ORC4: variants seen among roughly 807,000 people sequenced by gnomAD.
The protein encoded by ORC4 is origin recognition complex subunit 4.
Under a neutral mutation model 63.9 loss-of-function variants are expected in ORC4, and 55 were observed. The ratio of observed to expected loss-of-function variants is 0.86; its 90% CI spans 0.69 to 1.08. ORC4 has a LOEUF of 1.08. Ranked by LOEUF, ORC4 falls within the 50% of genes least tolerant of loss-of-function variation. ORC4 has a pLI of 0.00. For synonymous variants in ORC4, 150 were observed against 168.5 expected (o/e 0.89, Z 0.85); for missense variants, 511 against 504.4 (o/e 1.01, Z -0.13).
At chr2:148,018,407 A>C (rs984031891) in intron 1 of ORC4, among the ~76,000 whole-genome samples, 1 of 152,226 alleles carries the variant, frequency 6.6e-6, no homozygotes, top group Non-Finnish European at 1.5e-5. Flanking sequence ...GTGAAGTTGA[A>C]GATAAACATA....
At chr2:148,015,978 G>T (rs1429428886) in intron 1 of ORC4, among the ~76,000 whole-genome samples, 2 of 152,154 alleles carry the variant, frequency 1.3e-5, no homozygotes, top group Non-Finnish European at 2.9e-5. Flanking sequence ...GAAGCAGATT[G>T]ATCCTCTTAC....
At chr2:147,973,368 A>T (rs1690337604) in intron 3 of ORC4, 80 bp downstream of exon 3, 8 of 870,800 alleles carry the variant, frequency 9.2e-6, no homozygotes, top group South Asian at 8.2e-5. Context: ...TTTAATATCA[A>T]ATTTGTACAA....
intron 1 of ORC4, among the ~76,000 whole-genome samples, chr2:148,014,098 C>CT (rs1456429811): frequency 6.6e-6 from 1 of 152,100 alleles, no homozygotes. Context: ...TAATCCTATC[C>CT]TTTGACAGGC....
At chr2:147,969,611 G>C (rs1262084399) in intron 4 of ORC4, among the ~76,000 whole-genome samples, 16 of 151,796 alleles carry the variant, frequency 1.1e-4, no homozygotes, top group Admixed American at 1.1e-3. Flanking sequence ...CCATATGACA[G>C]AATGCTGAGA....
intron 2 of ORC4, among the ~76,000 whole-genome samples, chr2:147,974,820 A>C (rs1318162844): frequency 4.0e-5 from 6 of 151,366 alleles, no homozygotes; most frequent in East Asian, 1.9e-4. Context: ...AAAAAAAAAA[A>C]AAAAAACCCA....
intron 5 of ORC4, 49 bp from the exon 6 acceptor site, chr2:147,958,432 T>A (rs1195353102): frequency 5.2e-6 from 7 of 1,339,146 alleles, no homozygotes; most frequent in Admixed American, 3.4e-5. Flanking sequence ...AAACATGTAT[T>A]TGATACAGCA....
Position 148,007,291 on chromosome 2 carries a change from G to A in ORC4, c.-18+13342C>T, listed in dbSNP as rs182153580. ...ACTAATCCTGGAGCAATAAAGATAC[G>A]TGACCTTTTAGATGGGAAATTCAAA... On this transcript the variant is annotated intron_variant, in intron 1 of 13. Transcript: ENST00000392857. Among the ~76,000 whole-genome samples the A allele has an allele frequency of 5.9e-5, 9 of 152,272 alleles. No homozygotes were observed. In the East Asian group the frequency reaches 7.7e-4, roughly 13 times the overall value.
At chr2:147,957,612 C>G (rs957101269) in intron 6 of ORC4, among the ~76,000 whole-genome samples, 1 of 152,098 alleles carries the variant, frequency 6.6e-6, no homozygotes, top group African/African-American at 2.4e-5. Flanking sequence ...ATGTTGTTCA[C>G]TGCCCTGAGA....
chr2:147,960,003 T>C (rs1689496505), intron 4 of ORC4, among the ~76,000 whole-genome samples: 1 of 152,202 alleles, frequency 6.6e-6, no homozygotes, highest in African/African-American at 2.4e-5. Context: ...TTTTATTTTT[T>C]ATTTTTTTTG....
At chr2:147,944,058 GAA>G (rs1351173956) in intron 9 of ORC4, among the ~76,000 whole-genome samples, 2 of 152,078 alleles carry the variant, frequency 1.3e-5, no homozygotes, top group Non-Finnish European at 2.9e-5. Flanking sequence ...AGAAAAGGCA[GAA>G]AAACCTAACT....
chr2:148,010,135 C>T (rs1354568975), intron 1 of ORC4, among the ~76,000 whole-genome samples: 1 of 152,020 alleles, frequency 6.6e-6, no homozygotes, highest in Non-Finnish European at 1.5e-5. Flanking sequence ...TAAAAAATGT[C>T]TTGAAACAAA....
At chr2:148,021,335 T>G, upstream of ORC4, 2 of 370,538 alleles carry the variant, frequency 5.4e-6, no homozygotes, top group East Asian at 7.2e-5. Context: ...AAAACCCCCA[T>G]CCACGACTCC....
At chr2:147,994,210 CAAAG>C (rs1328058936) in intron 1 of ORC4, among the ~76,000 whole-genome samples, 2 of 152,032 alleles carry the variant, frequency 1.3e-5, no homozygotes, top group African/African-American at 4.8e-5. Flanking sequence ...TTCAAGAAAT[CAAAG>C]AAAGTCTAAA....
chr2:147,958,159 A>G, intron 6 of ORC4, 139 bp downstream of exon 6: 2 of 619,076 alleles, frequency 3.2e-6, no homozygotes, highest in East Asian at 5.5e-5. Flanking sequence ...TACATTACAC[A>G]TTTTTATGAA....
Position 147,931,844 on chromosome 2 carries a change from A to C in ORC4, c.*3666T>G. On this transcript the variant is annotated 3_prime_UTR_variant, in exon 14 of 14. Transcript: ENST00000392857. ...AGCTATCTATGACAAACCCACAGCC[A>C]ATATCATACTGAATGGGCAAAAACT... 1 of 151,878 alleles carries C rather than the reference A, an allele frequency of 6.6e-6. No individual in the cohort carries two copies. Among genetic ancestry groups the C allele is most frequent in the Non-Finnish European group, 1.5e-5 (1 of 67,978 alleles). 9.4% of individuals were successfully genotyped at this position (151,878 alleles called of 1,614,324 possible).
intron 1 of ORC4, among the ~76,000 whole-genome samples, chr2:148,015,340 AGTCTCTCTCTGTTGCCCAGGCTGG>A (rs1693214795): frequency 9.5e-6 from 1 of 104,742 alleles, no homozygotes; most frequent in Non-Finnish European, 1.7e-5. Flanking sequence ...TTTGAGATGG[AGTCTCTCTCTGTTGCCCAGGCTGG>A]GCTGCAGTGG....
intron 1 of ORC4, among the ~76,000 whole-genome samples, chr2:147,989,394 TG>T (rs1319180431): frequency 6.6e-6 from 1 of 152,128 alleles, no homozygotes; most frequent in African/African-American, 2.4e-5. Context: ...CATACCCATT[TG>T]TTAAAAATAT....
intron 1 of ORC4, among the ~76,000 whole-genome samples, chr2:148,006,324 A>T (rs1222513361): frequency 1.3e-5 from 2 of 152,106 alleles, no homozygotes; most frequent in Non-Finnish European, 2.9e-5. Flanking sequence ...CAAGGAGAGT[A>T]ATTGGTTTTC....
At chr2:147,973,873 G>A (rs568874708) in intron 2 of ORC4, among the ~76,000 whole-genome samples, 1 of 152,298 alleles carries the variant, frequency 6.6e-6, no homozygotes, top group South Asian at 2.1e-4. Context: ...GGTCATCTTA[G>A]AACTAAGGCC....
Sources: gnomAD v4.1 joint callset for allele counts (sites outside exome capture counted in the v4.1 genomes callset) on GRCh38, gnomAD v4.1.1 for gene constraint, MANE v1.5 for transcripts, NCBI Gene and HGNC (gene_info 2026-07-23, HGNC 2026-07-21) for gene names.